The following USP26 variants were observed in gnomAD, a reference collection of about 807,000 sequenced individuals.
The protein encoded by USP26 is ubiquitin carboxyl-terminal hydrolase 26.
For missense variants in USP26, 649 were observed against 642.3 expected (o/e 1.01, Z -0.11); for synonymous variants, 236 against 240.6 (o/e 0.98, Z 0.18).
chrX:133,096,137 T>A (rs546129687), intron 1 of USP26, among the ~76,000 whole-genome samples: 1 of 85,905 alleles, frequency 1.2e-5, no homozygotes, highest in South Asian at 7.8e-4. Context: ...GACTCAAGCC[T>A]CCTTCCCACC....
Position 133,026,319 on chromosome X carries a change from T to C in USP26, c.1902A>G (p.Lys634=). 1 of 1,206,219 alleles carries C rather than the reference T, an allele frequency of 8.3e-7. No homozygotes were observed. The part of the protein sequence containing the change: ...QQQKYLGKNS[K]PNELESVYSG... ...AGTATACAGATTCTAGCTCATTTGGTTTAGAATTTTTTCCAAGGTACTTTT... is the reference window on the plus strand; with the variant it reads ...AGTATACAGATTCTAGCTCATTTGGCTTAGAATTTTTTCCAAGGTACTTTT... The change falls in exon 6 of 6, where the codon AAA becomes AAG. Residue 634 remains lysine, a synonymous_variant. Transcript: ENST00000511190.
chrX:133,055,676 C>T (rs778911574), intron 5 of USP26, among the ~76,000 whole-genome samples: 29 of 111,922 alleles, frequency 2.6e-4, no homozygotes, highest in Non-Finnish European at 4.3e-4. Context: ...ACAACAGAAA[C>T]GTATGTTCAC....
chrX:133,070,380 C>T (rs934932675), intron 5 of USP26, among the ~76,000 whole-genome samples: 6 of 111,675 alleles, frequency 5.4e-5, no homozygotes. Context: ...TAGCCATCCA[C>T]CTATTAAGAA....
intron 5 of USP26, among the ~76,000 whole-genome samples, chrX:133,081,488 G>T (rs901922182): frequency 9.1e-6 from 1 of 109,829 alleles, no homozygotes; most frequent in African/African-American, 3.3e-5. Flanking sequence ...TAGAGATGGG[G>T]TTTCACCTTG....
intron 5 of USP26, among the ~76,000 whole-genome samples, chrX:133,036,595 T>TG (rs2067396640): frequency 8.9e-6 from 1 of 112,171 alleles, no homozygotes; most frequent in African/African-American, 3.2e-5. Flanking sequence ...GCATTTGGGC[T>TG]GGTTCCAAGT....
chrX:133,024,863 A>G lies in USP26; in HGVS notation c.*616T>C, dbSNP rs763158200. 20 of 112,686 alleles carry G rather than the reference A, an allele frequency of 1.8e-4. No homozygotes were observed. In the South Asian group the frequency reaches 6.3e-3, roughly 36 times the overall value. The allele number at this position is 112,686 out of a possible 1,213,427, so 9.3% of individuals were successfully genotyped here. A position where few individuals can be genotyped will look rare whatever the true frequency, so the allele number is the denominator to read the frequency against. ...ATCAGTAGGTCTACAGTGGAACCCA[A>G]GATTTTGCATTTCAAATGACTACCC... is the stretch of plus-strand genomic sequence containing the variant. On this transcript the variant is annotated 3_prime_UTR_variant, in exon 6 of 6. Transcript: ENST00000511190.
chrX:133,088,935 T>A (rs894871422), intron 4 of USP26, among the ~76,000 whole-genome samples: 1 of 109,696 alleles, frequency 9.1e-6, no homozygotes, highest in African/African-American at 3.3e-5. Flanking sequence ...TAAGTGGTTT[T>A]AGGTAGAGTT....
Position 133,093,363 on chromosome X carries a change from A to G in USP26, c.-392-1920T>C, listed in dbSNP as rs778525984. 8.9e-5 allele frequency among the ~76,000 whole-genome samples: 10 copies of G among 111,878 alleles called. No homozygotes were observed. In the South Asian group the frequency reaches 1.9e-3, roughly 21 times the overall value. On this transcript the variant is annotated intron_variant, in intron 1 of 5. Coordinates refer to ENST00000511190, the MANE Select transcript of USP26 (RefSeq NM_031907.3). ...AAAAATTACTAGATTAAATCATTCA[A>G]CAAATATTACTTGAGTGCCTGCTAT...
intron 5 of USP26, among the ~76,000 whole-genome samples, chrX:133,055,243 A>C (rs1452814812): frequency 9.0e-6 from 1 of 111,714 alleles, no homozygotes; most frequent in Non-Finnish European, 1.9e-5. Flanking sequence ...TATACACAGC[A>C]CTAGTTTCCT....
Position 133,028,166 on chromosome X carries a change from T to C in USP26, c.55A>G (p.Ile19Val). 1 of 1,210,747 alleles carries C rather than the reference T, an allele frequency of 8.3e-7. No homozygotes were observed. The highest frequency in any genetic ancestry group is 1.1e-6 in the Non-Finnish European group (1 of 894,514). The change falls in exon 6 of 6, where the codon ATA becomes GTA. Residue 19 changes from isoleucine to valine, a missense_variant. Coordinates refer to ENST00000511190, the MANE Select transcript of USP26 (RefSeq NM_031907.3). ...ATGAATGCTTCTTTTGACTTAGATATCCCAGTCTTGCAGTTCCCTATTTGG... is the reference window on the plus strand; with the variant it reads ...ATGAATGCTTCTTTTGACTTAGATACCCCAGTCTTGCAGTTCCCTATTTGG... ...FVQIGNCKTG[I>V]SKSKEAFIEA...
At chrX:133,057,180 T>A (rs2067478309) in intron 5 of USP26, among the ~76,000 whole-genome samples, 1 of 111,820 alleles carries the variant, frequency 8.9e-6, no homozygotes, top group Non-Finnish European at 1.9e-5. Flanking sequence ...GCTGCACCTA[T>A]CAGTCCTTCA....
At chrX:133,087,394 GTAATTTTT>G (rs201992977) in intron 4 of USP26, among the ~76,000 whole-genome samples, 471 of 112,448 alleles carry the variant, frequency 4.2e-3, no homozygotes, top group African/African-American at 0.015. Flanking sequence ...TTGATTGCCA[GTAATTTTT>G]TAATTTATTC....
chrX:133,096,043 C>A (rs1192285762), intron 1 of USP26, among the ~76,000 whole-genome samples: 1 of 84,983 alleles, frequency 1.2e-5, no homozygotes. Flanking sequence ...CGGCGCCCGG[C>A]CTAATTTTTT....
chrX:133,033,384 TCCATAGGAGG>T (rs2067385059), intron 5 of USP26, among the ~76,000 whole-genome samples: 1 of 112,145 alleles, frequency 8.9e-6, no homozygotes, highest in South Asian at 3.7e-4. Flanking sequence ...CATAAATCTC[TCCATAGGAGG>T]CCCTGACCAA....
Position 133,025,196 on chromosome X carries a change from A to G in USP26, c.*283T>C. ...ATTGAAGGACTGCACTCTAGCCAGG[A>G]TGACAGAGCAAGACCCTGACTATAT... On this transcript the variant is annotated 3_prime_UTR_variant, in exon 6 of 6. Transcript: ENST00000511190. 1 of 339,101 alleles carries G rather than the reference A, an allele frequency of 2.9e-6. No homozygotes were observed. The highest frequency in any genetic ancestry group is 5.2e-6 in the Non-Finnish European group (1 of 193,029). 27.9% of individuals were successfully genotyped at this position (339,101 alleles called of 1,213,427 possible). A position where few individuals can be genotyped will look rare whatever the true frequency, so the allele number is the denominator to read the frequency against.
Position 133,027,580 on chromosome X carries a change from A to T in USP26, c.641T>A (p.Val214Glu). 8.3e-7 allele frequency: 1 copy of T among 1,209,068 alleles called. No individual in the cohort carries two copies. The highest frequency in any genetic ancestry group is 1.1e-6 in the Non-Finnish European group (1 of 893,270). ...KKSKADCSRC[V>E]SYNREKQLKL... The stretch of plus-strand genomic sequence containing the variant: ...CAATTGTTTCTCTCGATTATAGCTT[A>T]CACACCTCGAACAATCTGCCTTGGA... The change falls in exon 6 of 6, where the codon GTA (valine) becomes GAA (glutamate). Residue 214 changes from valine to glutamate, a missense_variant. Transcript: ENST00000511190.
In USP26 at chrX:133,025,997, A is replaced by G; in HGVS notation, c.2224T>C (p.Cys742Arg). The G allele has an allele frequency of 8.3e-7, 1 of 1,210,316 alleles. No individual in the cohort carries two copies. Among genetic ancestry groups the G allele is most frequent in the Non-Finnish European group, 1.1e-6 (1 of 894,461 alleles). ...FQKVSEQTQQ[C>R]DGMRICEQAP... ...TGTTCACAGATTCTCATACCGTCAC[A>G]CTGCTGAGTCTGTTCAGACACTTTT... Residue 742 changes from cysteine to arginine, a missense_variant, in exon 6 of 6, where the codon TGT becomes CGT. By Grantham distance (180) the Cys-to-Arg change is radical. Transcript: ENST00000511190.
In USP26 at chrX:133,027,453, T is replaced by C; in HGVS notation, c.768A>G (p.Gln256=). ...CCAAAACCATTTTCTCAGTGAGAGCTTGGAGAAGACCAATGTCATCTAGGT... is the reference window on the plus strand; with the variant it reads ...CCAAAACCATTTTCTCAGTGAGAGCCTGGAGAAGACCAATGTCATCTAGGT... ...NPYLDDIGLL[Q]ALTEKMVLVF... is the part of the protein sequence containing the mutation. The change falls in exon 6 of 6, where the codon CAA becomes CAG. Residue 256 remains glutamine (Q), a synonymous_variant. Transcript: ENST00000511190. 8.3e-7 allele frequency: 1 copy of C among 1,210,758 alleles called. No individual in the cohort carries two copies.
At chrX:133,057,859 TATATA>T (rs1871243302) in intron 5 of USP26, among the ~76,000 whole-genome samples, 20 of 23,548 alleles carry the variant, frequency 8.5e-4, no homozygotes, top group Non-Finnish European at 1.4e-3. Context: ...TATATATATA[TATATA>T]TATTTTTTTT....
Sources: gnomAD v4.1 joint callset for allele counts (sites outside exome capture counted in the v4.1 genomes callset) on GRCh38, gnomAD v4.1.1 for gene constraint, MANE v1.5 for transcripts, NCBI Gene and HGNC (gene_info 2026-07-23, HGNC 2026-07-21) for gene names.